VPS45: variants seen among roughly 807,000 people sequenced by gnomAD.
The protein encoded by VPS45 is vacuolar protein sorting 45 homolog.
VPS45 carries 35 observed loss-of-function variants against 75.9 expected under a neutral mutation model. That is an observed-to-expected ratio of 0.46 (90% CI 0.35 to 0.61). The LOEUF (loss-of-function observed/expected upper bound fraction) is 0.61. VPS45 is among the 20% of genes least tolerant of loss of function. The pLI is 0.00. For missense variants in VPS45, 559 were observed against 685.9 expected (o/e 0.81, Z 2.07); for synonymous variants, 220 against 238.2 (o/e 0.92, Z 0.70).
intron 2 of VPS45, among the ~76,000 whole-genome samples, chr1:150,069,086 A>G (rs1250418768): frequency 6.6e-6 from 1 of 152,164 alleles, no homozygotes; most frequent in Non-Finnish European, 1.5e-5. Flanking sequence ...TCAACACTTA[A>G]TTTTATATAC....
At chr1:150,142,892 A>G (rs1553815662) in intron 14 of VPS45, 1 of 449,314 alleles carries the variant, frequency 2.2e-6, no homozygotes, top group East Asian at 7.2e-5. Flanking sequence ...GGCTCAAGCG[A>G]TCCACCCGCC....
intron 14 of VPS45, among the ~76,000 whole-genome samples, chr1:150,131,183 C>T (rs1440467435): frequency 2.0e-5 from 3 of 152,068 alleles, no homozygotes; most frequent in Non-Finnish European, 2.9e-5. Flanking sequence ...ATGCCCGTGC[C>T]AACCCTGAGG....
At chr1:150,119,761 A>G (rs1417261735) in intron 14 of VPS45, among the ~76,000 whole-genome samples, 2 of 152,214 alleles carry the variant, frequency 1.3e-5, no homozygotes, top group African/African-American at 4.8e-5. Flanking sequence ...GGAAATGTCT[A>G]TTGTGGAATA....
At chr1:150,127,079 G>T (rs1444122827) in intron 14 of VPS45, among the ~76,000 whole-genome samples, 1 of 151,948 alleles carries the variant, frequency 6.6e-6, no homozygotes, top group Admixed American at 6.6e-5. Context: ...ATGATAATTT[G>T]GTAAAACACT....
intron 13 of VPS45, among the ~76,000 whole-genome samples, chr1:150,096,057 A>G (rs1181644228): frequency 2.6e-5 from 4 of 152,202 alleles, no homozygotes; most frequent in Admixed American, 2.6e-4. Context: ...TTAATGGCAC[A>G]GATTTATGGA....
At chr1:150,107,865 C>T (rs1467214941) in intron 13 of VPS45, among the ~76,000 whole-genome samples, 1 of 152,168 alleles carries the variant, frequency 6.6e-6, no homozygotes, top group African/African-American at 2.4e-5. Flanking sequence ...TGCACCACTG[C>T]ACTCCAGCCT....
chr1:150,076,128 C>A, intron 3 of VPS45, 105 bp from the exon 4 acceptor site: 1 of 543,768 alleles, frequency 1.8e-6, no homozygotes, highest in Non-Finnish European at 3.0e-6. Context: ...CTACCCATTC[C>A]AATTTGAAGG....
intron 14 of VPS45, among the ~76,000 whole-genome samples, chr1:150,130,389 A>G (rs1461290141): frequency 2.0e-5 from 3 of 151,588 alleles, no homozygotes; most frequent in Non-Finnish European, 4.4e-5. Context: ...GGGTTTCACC[A>G]TGTTACAGCC....
In VPS45 at chr1:150,088,640, C is replaced by A. The variant is rs587697524; in HGVS notation, c.1105-3297C>A. 2.0e-5 allele frequency among the ~76,000 whole-genome samples: 3 copies of A among 151,888 alleles called. No homozygotes were observed. The South Asian group carries it at 6.3e-4, about 32-fold the overall frequency. On this transcript the variant is annotated intron_variant, in intron 10 of 14. Transcript: ENST00000644510. ...GACTACAGGTATACACTGCCATGCC[C>A]AGCTAATTTTTGTATTTTTGTAGAG...
At chr1:150,079,558 A>C (rs1655580227) in intron 7 of VPS45, among the ~76,000 whole-genome samples, 1 of 152,030 alleles carries the variant, frequency 6.6e-6, no homozygotes, top group Admixed American at 6.5e-5. Context: ...ACACCCCCAC[A>C]CCTGGCTAAT....
intron 14 of VPS45, among the ~76,000 whole-genome samples, chr1:150,141,867 A>G (rs1317737748): frequency 6.6e-6 from 1 of 152,180 alleles, no homozygotes; most frequent in Non-Finnish European, 1.5e-5. Context: ...GTTGAATTGG[A>G]TTGAATTGAA....
chr1:150,144,755 G>A lies in VPS45; in HGVS notation c.1672G>A (p.Glu558Lys), dbSNP rs1402716774. ...LASGLHSRSK[E>K]SSQVTSRSAS... Reference sequence around the variant, plus strand: ...TTCTGGACTGCACAGCCGAAGCAAGGAGAGCTCTCAAGTCACATCAAGGTC... The same window carrying A: ...TTCTGGACTGCACAGCCGAAGCAAGAAGAGCTCTCAAGTCACATCAAGGTC... The change falls in exon 15 of 15, where the codon GAG (glutamate) becomes AAG (lysine). Residue 558 changes from glutamate to lysine, a missense_variant. By Grantham distance (56) the Glu-to-Lys change is moderately conservative. Coordinates refer to ENST00000644510, the MANE Select transcript of VPS45 (RefSeq NM_007259.5). 1 of 1,614,028 alleles carries A rather than the reference G, an allele frequency of 6.2e-7. No homozygotes were observed. Among genetic ancestry groups the A allele is most frequent in the Non-Finnish European group, 8.5e-7 (1 of 1,180,036 alleles).
chr1:150,077,866 TTTATTTGCCTCC>T, intron 7 of VPS45, 87 bp downstream of exon 7: 1 of 1,043,760 alleles, frequency 9.6e-7, no homozygotes, highest in South Asian at 1.3e-5. Context: ...ACATGGTCCA[TTTATTTGCCTCC>T]TTATTTTTAG....
At chr1:150,079,645 C>G in intron 7 of VPS45, among the ~76,000 whole-genome samples, 1 of 152,242 alleles carries the variant, frequency 6.6e-6, no homozygotes, top group Non-Finnish European at 1.5e-5. Flanking sequence ...TTCCTGACCT[C>G]AAGTGATCTG....
intron 14 of VPS45, among the ~76,000 whole-genome samples, chr1:150,125,830 G>T (rs1658487744): frequency 6.6e-6 from 1 of 151,946 alleles, no homozygotes; most frequent in Non-Finnish European, 1.5e-5. Flanking sequence ...TGGGATTATA[G>T]GCGCCTGCCA....
At chr1:150,087,563 A>G (rs1301733325) in intron 10 of VPS45, among the ~76,000 whole-genome samples, 1 of 152,132 alleles carries the variant, frequency 6.6e-6, no homozygotes, top group African/African-American at 2.4e-5. Context: ...TGAAATCTCA[A>G]TGTAATGTAT....
intron 14 of VPS45, among the ~76,000 whole-genome samples, chr1:150,144,328 C>T (rs782782587): frequency 9.9e-5 from 15 of 152,176 alleles, no homozygotes; most frequent in Non-Finnish European, 1.9e-4. Context: ...AGACAACATA[C>T]AAGCTCTGAG....
At chr1:150,083,359 T>C (rs1655826278) in intron 10 of VPS45, 1 of 153,036 alleles carries the variant, frequency 6.5e-6, no homozygotes, top group Admixed American at 6.5e-5. Flanking sequence ...CACCAACATA[T>C]TAATGCCTGC....
rs1050905485 is a variant in VPS45 at position 150,101,326 on chromosome 1, C to T, written c.1493+7678C>T. Among the ~76,000 whole-genome samples the T allele has an allele frequency of 7.4e-5, 11 of 148,510 alleles. 1 individual carries two copies. Among genetic ancestry groups the T allele is most frequent in the South Asian group, 6.4e-4 (3 of 4,704 alleles). ...CAGCTACTTCTCAAAAGAAGACATACGTGCAGCCAACAAGCATATGAAAAA... is the reference window on the plus strand; with the variant it reads ...CAGCTACTTCTCAAAAGAAGACATATGTGCAGCCAACAAGCATATGAAAAA... On this transcript the variant is annotated intron_variant, in intron 13 of 14. Transcript: ENST00000644510.
Sources: allele counts gnomAD v4.1 joint callset (sites outside exome capture counted in the v4.1 genomes callset), GRCh38; gene constraint gnomAD v4.1.1; transcripts MANE v1.5; gene names NCBI Gene and HGNC (gene_info 2026-07-23, HGNC 2026-07-21).